The following HDAC8 variants were observed in gnomAD, a reference collection of about 807,000 sequenced individuals.
The protein encoded by HDAC8 is histone deacetylase 8.
In HDAC8, 1 loss-of-function variant was observed where a neutral mutation model predicts 32.2. That is an observed-to-expected ratio of 0.03 (90% confidence interval 0.01 to 0.15). The LOEUF is 0.15. Ranked by LOEUF, HDAC8 falls within the 10% of genes least tolerant of loss-of-function variation. HDAC8 has a pLI of 1.00. For synonymous variants in HDAC8, 108 were observed against 113.9 expected, an observed-to-expected ratio of 0.95 and a Z score of 0.33; for missense variants, 117 against 300.0, an observed-to-expected ratio of 0.39 and a Z score of 4.51.
intron 9 of HDAC8, among the ~76,000 whole-genome samples, chrX:72,355,432 C>T (rs2044308190): frequency 9.0e-6 from 1 of 111,588 alleles, no homozygotes; most frequent in Non-Finnish European, 1.9e-5. Context: ...TTCCCCTTTC[C>T]CCCTCAGCAC....
intron 4 of HDAC8, among the ~76,000 whole-genome samples, chrX:72,504,306 C>A (rs1476390620): frequency 8.9e-6 from 1 of 111,994 alleles, no homozygotes; most frequent in Non-Finnish European, 1.9e-5. Flanking sequence ...AAAACCCATG[C>A]TTATTAAACA....
chrX:72,545,627 G>C (rs1394669304), intron 4 of HDAC8, among the ~76,000 whole-genome samples: 10 of 111,730 alleles, frequency 9.0e-5, no homozygotes, highest in Non-Finnish European at 1.7e-4. Context: ...GATGCCATAG[G>C]GACAAAGCAT....
chrX:72,427,602 T>TGGGGG (rs58102359), intron 9 of HDAC8, among the ~76,000 whole-genome samples: 5 of 32,920 alleles, frequency 1.5e-4, no homozygotes, highest in Non-Finnish European at 5.9e-4. Context: ...TGTTGTGGGG[T>TGGGGG]GGGGGGGGGG....
intron 10 of HDAC8, among the ~76,000 whole-genome samples, chrX:72,338,355 G>C (rs1363046577): frequency 9.0e-6 from 1 of 110,558 alleles, no homozygotes; most frequent in Non-Finnish European, 1.9e-5. Context: ...TTAAAGCTTG[G>C]TCATTGCTCT....
At chrX:72,570,289 G>A (rs1209806780) in intron 2 of HDAC8, among the ~76,000 whole-genome samples, 1 of 111,928 alleles carries the variant, frequency 8.9e-6, no homozygotes, top group African/African-American at 3.2e-5. Context: ...TTTGGTAAAT[G>A]TTAAAAAACA....
chrX:72,346,431 G>A (rs181061170), intron 10 of HDAC8, among the ~76,000 whole-genome samples: 4 of 112,299 alleles, frequency 3.6e-5, no homozygotes, highest in African/African-American at 1.3e-4. Flanking sequence ...CACCATGCAG[G>A]AGCACTGCTT....
At chrX:72,451,274 G>T (rs1367744816) in intron 9 of HDAC8, among the ~76,000 whole-genome samples, 6 of 108,880 alleles carry the variant, frequency 5.5e-5, no homozygotes, top group Non-Finnish European at 1.1e-4. Context: ...TCAGCTTACT[G>T]CATACTCTGC....
chrX:72,436,408 G>A (rs1555979240), intron 9 of HDAC8, among the ~76,000 whole-genome samples: 2 of 111,644 alleles, frequency 1.8e-5, no homozygotes, highest in Non-Finnish European at 3.8e-5. Flanking sequence ...GAGGGAAGTG[G>A]CATATTTTTT....
intron 9 of HDAC8, among the ~76,000 whole-genome samples, chrX:72,440,316 G>A (rs1555981140): frequency 9.0e-6 from 1 of 111,719 alleles, no homozygotes; most frequent in Admixed American, 9.5e-5. Context: ...CTGGGACACA[G>A]CTAAAGCAGT....
rs184800010 is a variant in HDAC8, at chrX:72,529,556, C to T, written c.438-34288G>A. Reference sequence around the variant, plus strand: ...GCCCTGCCCATACCTTGATTTTAGCCCTGTAAGACTCATTTCAGACACCTG... The same window carrying T: ...GCCCTGCCCATACCTTGATTTTAGCTCTGTAAGACTCATTTCAGACACCTG... On this transcript the variant is annotated intron_variant, in intron 4 of 10. Transcript: ENST00000373573. 1.2e-3 allele frequency among the ~76,000 whole-genome samples: 138 copies of T among 112,050 alleles called. 1 individual carries two copies. The highest frequency in any genetic ancestry group is 2.3e-3 in the Non-Finnish European group (124 of 53,180).
intron 10 of HDAC8, among the ~76,000 whole-genome samples, chrX:72,335,628 G>A (rs1008808479): frequency 9.8e-5 from 11 of 111,811 alleles, no homozygotes; most frequent in Non-Finnish European, 7.5e-5. Context: ...TTTTTGTGCA[G>A]GGCTGGGCAC....
intron 10 of HDAC8, among the ~76,000 whole-genome samples, chrX:72,334,761 C>T (rs2043632456): frequency 9.0e-6 from 1 of 111,625 alleles, no homozygotes; most frequent in Non-Finnish European, 1.9e-5. Flanking sequence ...ATCTCTGAAA[C>T]AGTCTTGATT....
chrX:72,349,975 C>T (rs1268358054), intron 10 of HDAC8, among the ~76,000 whole-genome samples: 1 of 111,448 alleles, frequency 9.0e-6, no homozygotes, highest in Admixed American at 9.6e-5. Context: ...TAAGAGAAGC[C>T]GGTCCAGGAT....
At chrX:72,406,392 C>T (rs1015523497) in intron 9 of HDAC8, among the ~76,000 whole-genome samples, 1 of 111,160 alleles carries the variant, frequency 9.0e-6, no homozygotes, top group Admixed American at 9.5e-5. Context: ...CTACACTGGG[C>T]TAAGTTTTGT....
Position 72,443,102 on chromosome X carries a change from C to T in HDAC8, c.1005+18902G>A, listed in dbSNP as rs782558481. Among the ~76,000 whole-genome samples the T allele has an allele frequency of 3.6e-5, 4 of 109,937 alleles. No homozygotes were observed. In the South Asian group the frequency reaches 1.6e-3, roughly 44 times the overall value. On this transcript the variant is annotated intron_variant, in intron 9 of 10. Coordinates refer to ENST00000373573, the MANE Select transcript of HDAC8 (RefSeq NM_018486.3). ...AATAATAATGGGAGACTTTAACACC[C>T]CACTGTCAACATTAGACAGATCAGC...
chrX:72,361,347 G>A (rs1197619841), intron 9 of HDAC8, among the ~76,000 whole-genome samples: 2 of 111,530 alleles, frequency 1.8e-5, no homozygotes, highest in Non-Finnish European at 1.9e-5. Flanking sequence ...AAATAATCAA[G>A]TAAACCTGGG....
At position 72,557,126 on chromosome X, in the gene HDAC8, C is replaced by T. The variant is rs185483858; in HGVS notation, c.437+10763G>A. ...GCTGAGGAAGGAGAATGGCGTGAACCCGGGAGGCGGAGCTTGCAGTGAGCT... is the reference window on the plus strand; with the variant it reads ...GCTGAGGAAGGAGAATGGCGTGAACTCGGGAGGCGGAGCTTGCAGTGAGCT... On this transcript the variant is annotated intron_variant, in intron 4 of 10. Coordinates refer to ENST00000373573, the MANE Select transcript of HDAC8 (RefSeq NM_018486.3). Among the ~76,000 whole-genome samples, 356 of 111,102 alleles carry T rather than the reference C, an allele frequency of 3.2e-3. 1 individual carries two copies. The highest frequency in any genetic ancestry group is 0.011 in the African/African-American group (344 of 30,529).
intron 9 of HDAC8, among the ~76,000 whole-genome samples, chrX:72,369,341 A>C (rs1264022290): frequency 1.1e-4 from 12 of 111,414 alleles, no homozygotes; most frequent in Non-Finnish European, 2.1e-4. Context: ...TGGACATATC[A>C]GCTCATTTCA....
intron 6 of HDAC8, among the ~76,000 whole-genome samples, chrX:72,489,836 T>A (rs1266413229): frequency 1.3e-4 from 14 of 109,964 alleles, no homozygotes; most frequent in African/African-American, 4.6e-4. Flanking sequence ...TGGGAAAAAA[T>A]TTTTGCAACC....
Sources: allele counts gnomAD v4.1 joint callset (sites outside exome capture counted in the v4.1 genomes callset), GRCh38; gene constraint gnomAD v4.1.1; transcripts MANE v1.5; gene names NCBI Gene and HGNC (gene_info 2026-07-23, HGNC 2026-07-21).